The following JMJD1C variants were observed in gnomAD, a reference collection of about 807,000 sequenced individuals.
JMJD1C encodes the protein jumonji domain-containing protein 1C.
In JMJD1C, 31 loss-of-function variants were observed where a neutral mutation model predicts 245.3. The observed-to-expected ratio is 0.13, with a 90% CI of 0.09 to 0.17. The LOEUF is 0.17. Ranked by LOEUF, JMJD1C falls within the 10% of genes least tolerant of loss-of-function variation. The pLI is 1.00. For missense variants in JMJD1C, 2,691 were observed against 3,000.2 expected (o/e 0.90, Z 2.41); for synonymous variants, 1,057 against 1,017.4 (o/e 1.04, Z -0.74).
chr10:63,223,246 T>C (rs1248128366), intron 3 of JMJD1C, among the ~76,000 whole-genome samples: 3 of 115,784 alleles, frequency 2.6e-5, no homozygotes, highest in South Asian at 2.6e-4. Flanking sequence ...TTTTTTTTTT[T>C]CTGAGACACA....
chr10:63,263,239 G>A (rs930903534), intron 3 of JMJD1C, among the ~76,000 whole-genome samples: 4 of 152,060 alleles, frequency 2.6e-5, no homozygotes, highest in Admixed American at 1.3e-4. Context: ...AAAAAAACTA[G>A]GTCCTTTAAA....
intron 1 of JMJD1C, among the ~76,000 whole-genome samples, chr10:63,421,280 G>C (rs1950112207): frequency 6.6e-6 from 1 of 152,204 alleles, no homozygotes; most frequent in Non-Finnish European, 1.5e-5. Flanking sequence ...GTTGAGGTGA[G>C]CCGAGATCGC....
chr10:63,466,233 T>C (rs946723081), upstream of JMJD1C: 3 of 164,114 alleles, frequency 1.8e-5, no homozygotes, highest in African/African-American at 7.2e-5. Flanking sequence ...GGTCTACCTT[T>C]GTATTCGTTG....
intron 22 of JMJD1C, among the ~76,000 whole-genome samples, chr10:63,183,146 CCA>C: frequency 6.6e-6 from 1 of 152,294 alleles, no homozygotes; most frequent in East Asian, 1.9e-4. Flanking sequence ...CAGGTGTGAG[CCA>C]CTGCGCCCAG....
At chr10:63,240,240 A>C (rs1378264173) in intron 3 of JMJD1C, among the ~76,000 whole-genome samples, 1 of 152,164 alleles carries the variant, frequency 6.6e-6, no homozygotes, top group African/African-American at 2.4e-5. Flanking sequence ...AGTGAAATGG[A>C]AAAAACCAAA....
Position 63,514,332 on chromosome 10 carries a change from T to C in JMJD1C, n.113+7406A>G, listed in dbSNP as rs562420709. Among the ~76,000 whole-genome samples, 25 of 152,278 alleles carry C rather than the reference T, an allele frequency of 1.6e-4. No individual in the cohort carries two copies. In the South Asian group the frequency reaches 3.3e-3, roughly 20 times the overall value. ...CCAAAAAGACACATGCACTCACATA[T>C]TGATCACAGCACTATTCACAATAGC... On this transcript the variant is annotated intron_variant and non_coding_transcript_variant, in intron 1 of 3. Transcript: ENST00000633035.
chr10:63,361,886 A>G (rs1367380430), intron 2 of JMJD1C, among the ~76,000 whole-genome samples: 1 of 152,150 alleles, frequency 6.6e-6, no homozygotes, highest in East Asian at 1.9e-4. Context: ...GATATTTAGA[A>G]TAATGGTTCA....
At chr10:63,277,416 T>C (rs1229774406) in intron 2 of JMJD1C, among the ~76,000 whole-genome samples, 2 of 152,122 alleles carry the variant, frequency 1.3e-5, no homozygotes, top group Non-Finnish European at 2.9e-5. Flanking sequence ...TCTCAGGTAA[T>C]AACAGTTGTC....
intron 1 of JMJD1C, among the ~76,000 whole-genome samples, chr10:63,440,326 ACT>A (rs1951295891): frequency 7.0e-6 from 1 of 143,356 alleles, no homozygotes. Context: ...CAAGAGCAAC[ACT>A]CTGTCTCAAA....
chr10:63,497,237 C>T (rs2393975), intron 1 of JMJD1C, among the ~76,000 whole-genome samples: 149,957 of 152,208 alleles, frequency 0.99, 73,903 homozygotes, highest in Middle Eastern at 1. Flanking sequence ...TATATGTTCA[C>T]AGCAGCATTA....
At chr10:63,202,401 A>C in intron 10 of JMJD1C, 1 of 985,452 alleles carries the variant, frequency 1.0e-6, no homozygotes, top group South Asian at 4.7e-5. Context: ...ATGCTGAAAG[A>C]ATAAAACTGT....
chr10:63,305,682 G>GTGTGTGTGTA, intron 2 of JMJD1C, among the ~76,000 whole-genome samples: 1 of 140,218 alleles, frequency 7.1e-6, no homozygotes, highest in Non-Finnish European at 1.5e-5. Context: ...GTGTGTGTGT[G>GTGTGTGTGTA]TTGAAAGATC....
At chr10:63,407,240 A>AAAGGTTATGAAAGGGTCCCTGGACCAAG (rs1328627179) in intron 1 of JMJD1C, among the ~76,000 whole-genome samples, 3 of 152,192 alleles carry the variant, frequency 2.0e-5, no homozygotes, top group Non-Finnish European at 4.4e-5. Flanking sequence ...ATTTCTTAGA[A>AAAGGTTATGAAAGGGTCCCTGGACCAAG]AAGGTTATGA....
At chr10:63,285,853 TA>T (rs940490871) in intron 2 of JMJD1C, among the ~76,000 whole-genome samples, 2 of 152,180 alleles carry the variant, frequency 1.3e-5, no homozygotes, top group Non-Finnish European at 2.9e-5. Context: ...CTTTCTTTTC[TA>T]AAAAGCCAAT....
At chr10:63,376,686 C>T (rs1946769150) in intron 2 of JMJD1C, among the ~76,000 whole-genome samples, 1 of 152,140 alleles carries the variant, frequency 6.6e-6, no homozygotes, top group African/African-American at 2.4e-5. Flanking sequence ...CTCAACATCA[C>T]ATTAAGCATT....
intron 2 of JMJD1C, among the ~76,000 whole-genome samples, chr10:63,326,019 G>C (rs1359404812): frequency 6.6e-6 from 1 of 152,106 alleles, no homozygotes; most frequent in East Asian, 1.9e-4. Flanking sequence ...TGAAGACAAA[G>C]ATGCATATGT....
intron 1 of JMJD1C, among the ~76,000 whole-genome samples, chr10:63,498,349 T>A (rs1448374950): frequency 6.6e-6 from 1 of 152,146 alleles, no homozygotes; most frequent in Non-Finnish European, 1.5e-5. Flanking sequence ...TCAGATAAGC[T>A]TTACATATTT....
chr10:63,463,747 G>A (rs1952970544), intron 1 of JMJD1C, among the ~76,000 whole-genome samples: 1 of 152,122 alleles, frequency 6.6e-6, no homozygotes, highest in South Asian at 2.1e-4. Flanking sequence ...GAAACGCAAA[G>A]ATAGTATCAA....
At chr10:63,441,424 G>T (rs1470105901) in intron 1 of JMJD1C, among the ~76,000 whole-genome samples, 1 of 152,112 alleles carries the variant, frequency 6.6e-6, no homozygotes, top group Non-Finnish European at 1.5e-5. Flanking sequence ...AATAATAGTA[G>T]TAATGAACTT....
Sources: allele counts gnomAD v4.1 joint callset (sites outside exome capture counted in the v4.1 genomes callset), GRCh38; gene constraint gnomAD v4.1.1; transcripts MANE v1.5; gene names NCBI Gene and HGNC (gene_info 2026-07-23, HGNC 2026-07-21).